Variants in PADI3 observed in about 807,000 individuals in gnomAD.
PADI3 encodes peptidyl arginine deiminase 3, also known as protein-arginine deiminase type-3.
PADI3 carries 53 observed loss-of-function variants against 71.5 expected under a neutral mutation model. The ratio of observed to expected loss-of-function variants is 0.74; its 90% CI spans 0.59 to 0.93. The LOEUF is 0.93. Ranked by LOEUF, PADI3 falls within the 40% of genes least tolerant of loss-of-function variation. The pLI is 0.00. For missense variants in PADI3, 821 were observed against 868.0 expected (o/e 0.95, Z 0.68); for synonymous variants, 361 against 347.5 (o/e 1.04, Z -0.43).
chr1:17,271,836 CAAAAAA>C (rs71571852), intron 9 of PADI3, among the ~76,000 whole-genome samples: 1 of 79,450 alleles, frequency 1.3e-5, no homozygotes, highest in Non-Finnish European at 2.3e-5. Context: ...GCAACAACAA[CAAAAAA>C]AAAAAAAAAA....
chr1:17,263,020 T>C (rs2073122546), intron 3 of PADI3, among the ~76,000 whole-genome samples: 1 of 152,196 alleles, frequency 6.6e-6, no homozygotes, highest in African/African-American at 2.4e-5. Context: ...GTTCAAACGA[T>C]TCTCCTACCT....
rs201553418 is a variant in PADI3, at chr1:17,280,793, C to T, written c.1758C>T (p.Asp586=). The T allele has an allele frequency of 1.9e-4, 300 of 1,613,950 alleles. 2 individuals are homozygous for T. The South Asian group carries it at 2.6e-3, about 14-fold the overall frequency. The change falls in exon 15 of 16, where the codon GAC becomes GAT. Residue 586 remains aspartate, a synonymous_variant. Transcript: ENST00000375460. ...AAAAAGCAACGGCCTTCTTCCCTGA[C>T]TTGGTGAGGGCACTACCCATGACTC... ...ERKKATAFFP[D]LVNMLVLGKH... is the part of the protein sequence containing the mutation.
At position 17,283,202 on chromosome 1, in the gene PADI3, G is replaced by T. The variant is rs1328740817; in HGVS notation, c.*123G>T. 2.8e-6 allele frequency: 2 copies of T among 719,006 alleles called. No individual in the cohort carries two copies. The highest frequency in any genetic ancestry group is 4.7e-6 in the Non-Finnish European group (2 of 426,536). 44.5% of individuals were successfully genotyped at this position (719,006 alleles called of 1,614,324 possible). On this transcript the variant is annotated 3_prime_UTR_variant, in exon 16 of 16. Coordinates refer to ENST00000375460, the MANE Select transcript of PADI3 (RefSeq NM_016233.2). The stretch of plus-strand genomic sequence containing the variant: ...CAAGGCTCCAGATGGAACACTGAGG[G>T]TGACCGTCCCTCTCAGAAGCCTTTT...
chr1:17,254,804 G>A (rs547521791), intron 1 of PADI3, among the ~76,000 whole-genome samples: 2 of 148,936 alleles, frequency 1.3e-5, no homozygotes, highest in African/African-American at 5.0e-5. Context: ...TGCAACCTCC[G>A]CCTCCCAGGT....
intron 2 of PADI3, among the ~76,000 whole-genome samples, chr1:17,261,099 A>G (rs937941550): frequency 6.6e-6 from 1 of 152,156 alleles, no homozygotes; most frequent in African/African-American, 2.4e-5. Context: ...AGGACTACAG[A>G]GGTGAGTGGC....
At chr1:17,280,294 G>T in intron 13 of PADI3, 56 bp from the exon 14 acceptor site, 1 of 1,365,892 alleles carries the variant, frequency 7.3e-7, no homozygotes, top group Non-Finnish European at 1.0e-6. Context: ...CCCTAAGCAG[G>T]TGGTCCTCAC....
At chr1:17,266,923 G>A in intron 5 of PADI3, 87 bp downstream of exon 5, 4 of 1,014,590 alleles carry the variant, frequency 3.9e-6, no homozygotes, top group Non-Finnish European at 6.2e-6. Flanking sequence ...GCGAGACTCT[G>A]AGGCCAGAGT....
At chr1:17,254,468 A>G (rs1217089462) in intron 1 of PADI3, among the ~76,000 whole-genome samples, 1 of 152,204 alleles carries the variant, frequency 6.6e-6, no homozygotes, top group East Asian at 1.9e-4. Context: ...GAGTGGGGAC[A>G]GAGCTGGCCA....
At chr1:17,260,244 C>G (rs1192634671) in intron 2 of PADI3, among the ~76,000 whole-genome samples, 1 of 152,154 alleles carries the variant, frequency 6.6e-6, no homozygotes, top group Non-Finnish European at 1.5e-5. Flanking sequence ...GACAGCATTT[C>G]CCCAAGGCGC....
intron 11 of PADI3, among the ~76,000 whole-genome samples, chr1:17,275,730 C>T (rs12135460): frequency 1.3e-3 from 198 of 152,276 alleles, no homozygotes; most frequent in Middle Eastern, 3.4e-3. Flanking sequence ...ATTGAGCTAA[C>T]CAAATGCAAC....
At chr1:17,272,387 C>T (rs900309461) in intron 9 of PADI3, among the ~76,000 whole-genome samples, 4 of 152,188 alleles carry the variant, frequency 2.6e-5, no homozygotes, top group Non-Finnish European at 5.9e-5. Context: ...GGGTTTGGGG[C>T]AGGACTCTGG....
chr1:17,279,109 G>A (rs1337258443), intron 13 of PADI3, among the ~76,000 whole-genome samples: 1 of 152,150 alleles, frequency 6.6e-6, no homozygotes, highest in Non-Finnish European at 1.5e-5. Flanking sequence ...GGAATGGGTT[G>A]AGCAGAGTTA....
chr1:17,251,863 G>A (rs185475269), intron 1 of PADI3, among the ~76,000 whole-genome samples: 40 of 152,350 alleles, frequency 2.6e-4, no homozygotes, highest in African/African-American at 6.7e-4. Context: ...TATGCAGGAT[G>A]TCTGGGGAAC....
chr1:17,270,321 G>A lies in PADI3; in HGVS notation c.741G>A (p.Glu247=), dbSNP rs1362377959. 1.2e-6 allele frequency: 2 copies of A among 1,613,898 alleles called. No homozygotes were observed. Among genetic ancestry groups the A allele is most frequent in the African/African-American group, 1.3e-5 (1 of 74,852 alleles). ...YEVPRLHGDE[E]RFFVEGLSFP... ...TACCCCGCTTGCATGGGGATGAGGA[G>A]CGCTTCTTCGTGGAAGGCCTGTCCT... Residue 247 remains glutamate, a synonymous_variant, in exon 7 of 16, where the codon GAG becomes GAA. Coordinates refer to ENST00000375460, the MANE Select transcript of PADI3 (RefSeq NM_016233.2).
chr1:17,263,252 C>T (rs1413752248), intron 3 of PADI3, among the ~76,000 whole-genome samples: 1 of 152,146 alleles, frequency 6.6e-6, no homozygotes, highest in African/African-American at 2.4e-5. Context: ...AGAGCTGATC[C>T]TAAAATTTGT....
rs765960686 is a variant in PADI3, at chr1:17,273,314, C to A, written c.1048-26C>A. 5 of 1,569,258 alleles carry A rather than the reference C, an allele frequency of 3.2e-6. No homozygotes were observed. The African/African-American group carries it at 5.4e-5, about 17-fold the overall frequency. On this transcript the variant is annotated intron_variant, in intron 9 of 15. Transcript: ENST00000375460. Reference sequence around the variant, plus strand: ...GCAGCTGTTGACTGTCACAGCTGTGCGTCTCTCGCCTCTCCTCACTTGCAG... The same window carrying A: ...GCAGCTGTTGACTGTCACAGCTGTGAGTCTCTCGCCTCTCCTCACTTGCAG...
intron 3 of PADI3, among the ~76,000 whole-genome samples, chr1:17,263,313 G>A (rs1011527186): frequency 6.6e-6 from 1 of 152,070 alleles, no homozygotes; most frequent in Non-Finnish European, 1.5e-5. Context: ...TGAAGAATAA[G>A]GTTGAGGGAT....
Position 17,249,134 on chromosome 1 carries a change from C to T in PADI3, c.-4C>T. On this transcript the variant is annotated 5_prime_UTR_variant, in exon 1 of 16. Transcript: ENST00000375460. ...TGGCGGCCACAGCTAAGTCCAACAC[C>T]AGCATGTCGCTGCAGAGAATCGTGC... 4 of 1,613,914 alleles carry T rather than the reference C, an allele frequency of 2.5e-6. No homozygotes were observed. The highest frequency in any genetic ancestry group is 1.1e-5 in the South Asian group (1 of 91,080).
intron 6 of PADI3, among the ~76,000 whole-genome samples, chr1:17,269,030 C>A (rs2073210029): frequency 6.6e-6 from 1 of 151,654 alleles, no homozygotes; most frequent in Admixed American, 6.6e-5. Context: ...GGACTACAGG[C>A]ATGTACCACC....
Sources: gnomAD v4.1 joint callset for allele counts (sites outside exome capture counted in the v4.1 genomes callset) on GRCh38, gnomAD v4.1.1 for gene constraint, MANE v1.5 for transcripts, NCBI Gene and HGNC (gene_info 2026-07-23, HGNC 2026-07-21) for gene names.